Variants in CTNNA2 observed in about 807,000 individuals in gnomAD.
CTNNA2 encodes catenin alpha-2.
A neutral mutation model predicts 101.0 loss-of-function variants in CTNNA2; 42 were observed. That is an observed-to-expected ratio of 0.42 (90% CI 0.32 to 0.54). CTNNA2 has a LOEUF of 0.54. Ranked by LOEUF, CTNNA2 falls within the 20% of genes least tolerant of loss-of-function variation. CTNNA2 has a pLI of 0.14. For missense variants in CTNNA2, 871 were observed against 1,223.1 expected (o/e 0.71, Z 4.29); for synonymous variants, 450 against 456.4 (o/e 0.99, Z 0.18).
At chr2:80,382,012 A>C (rs755847924) in intron 7 of CTNNA2, among the ~76,000 whole-genome samples, 1 of 152,122 alleles carries the variant, frequency 6.6e-6, no homozygotes, top group Admixed American at 6.5e-5. Flanking sequence ...TTTTTCCCGC[A>C]TAGGGGAGGT....
intron 3 of CTNNA2, among the ~76,000 whole-genome samples, chr2:79,759,922 T>G (rs2105078285): frequency 6.6e-6 from 1 of 152,334 alleles, no homozygotes; most frequent in South Asian, 2.1e-4. Context: ...CTTTATTCTT[T>G]TTTGCCCCCT....
chr2:80,184,255 T>G (rs4852560), intron 7 of CTNNA2, among the ~76,000 whole-genome samples: 60,070 of 152,014 alleles, frequency 0.4, 13,629 homozygotes, highest in Non-Finnish European at 0.52. Context: ...GAAATCAATC[T>G]TATTAATTTT....
chr2:79,531,118 G>A (rs2103932215), intron 1 of CTNNA2, among the ~76,000 whole-genome samples: 1 of 149,188 alleles, frequency 6.7e-6, no homozygotes, highest in East Asian at 2.0e-4. Context: ...AACCACTAGG[G>A]AAGTTATGAT....
intron 1 of CTNNA2, among the ~76,000 whole-genome samples, chr2:79,524,017 TA>T (rs1198724843): frequency 6.6e-6 from 1 of 152,148 alleles, no homozygotes; most frequent in Non-Finnish European, 1.5e-5. Context: ...CTATTAAAAC[TA>T]CTATTATGAT....
intron 18 of CTNNA2, among the ~76,000 whole-genome samples, chr2:80,629,784 AGTG>A (rs945050500): frequency 1.3e-5 from 2 of 152,176 alleles, no homozygotes; most frequent in African/African-American, 4.8e-5. Flanking sequence ...CTTCTCCAGT[AGTG>A]ATAATCACAA....
intron 4 of CTNNA2, among the ~76,000 whole-genome samples, chr2:79,465,576 A>T (rs1389890716): frequency 6.6e-6 from 1 of 152,166 alleles, no homozygotes; most frequent in Non-Finnish European, 1.5e-5. Flanking sequence ...CTTGGGCAGT[A>T]TGGCCATTTT....
intron 7 of CTNNA2, among the ~76,000 whole-genome samples, chr2:80,063,028 C>T (rs1697717950): frequency 6.6e-6 from 1 of 152,182 alleles, no homozygotes; most frequent in South Asian, 2.1e-4. Flanking sequence ...CCGGCCAAAG[C>T]ACTGTGATCT....
chr2:80,248,647 G>T (rs771583492), intron 7 of CTNNA2, among the ~76,000 whole-genome samples: 2 of 152,148 alleles, frequency 1.3e-5, no homozygotes, highest in African/African-American at 2.4e-5. Context: ...AGCAGCTGCT[G>T]GTTGGATCAT....
intron 9 of CTNNA2, among the ~76,000 whole-genome samples, chr2:80,518,109 T>C (rs1243091998): frequency 6.6e-6 from 1 of 152,216 alleles, no homozygotes; most frequent in African/African-American, 2.4e-5. Context: ...TATTAAAAGC[T>C]TTGAATTTGA....
At position 80,109,754 on chromosome 2, in the gene CTNNA2, C is replaced by T. The variant is rs34730533; in HGVS notation, c.1056+199957C>T. ...AATATGGGACTATTCATGGGGAGCT[C>T]TTCTGAGAACTGAGTTGGAACTCAG... On this transcript the variant is annotated intron_variant, in intron 7 of 18. Coordinates refer to ENST00000402739, the MANE Select transcript of CTNNA2 (RefSeq NM_001282597.3). Among the ~76,000 whole-genome samples, 521 of 152,210 alleles carry T rather than the reference C, an allele frequency of 3.4e-3. 4 individuals are homozygous for T. Among genetic ancestry groups the T allele is most frequent in the Middle Eastern group, 0.01 (3 of 292 alleles).
intron 7 of CTNNA2, among the ~76,000 whole-genome samples, chr2:79,943,204 C>T (rs973968081): frequency 7.2e-5 from 11 of 151,882 alleles, no homozygotes; most frequent in South Asian, 4.2e-4. Flanking sequence ...GCAACAAAAG[C>T]GAGCGGGGGT....
At chr2:80,280,430 C>T (rs1674285922) in intron 7 of CTNNA2, among the ~76,000 whole-genome samples, 1 of 151,596 alleles carries the variant, frequency 6.6e-6, no homozygotes, top group Non-Finnish European at 1.5e-5. Context: ...TAGGCACCTA[C>T]CCTTGATTTG....
At chr2:79,577,597 A>AT (rs963451787) in intron 1 of CTNNA2, among the ~76,000 whole-genome samples, 6 of 151,528 alleles carry the variant, frequency 4.0e-5, no homozygotes, top group East Asian at 1.9e-4. Flanking sequence ...TCCATTCTAA[A>AT]TTTTTTTTTG....
chr2:79,947,385 G>A (rs534478174), intron 7 of CTNNA2, among the ~76,000 whole-genome samples: 8 of 152,168 alleles, frequency 5.3e-5, no homozygotes, highest in African/African-American at 1.9e-4. Flanking sequence ...TCTTGAAATT[G>A]AGGGTTGGAA....
intron 9 of CTNNA2, among the ~76,000 whole-genome samples, chr2:80,425,258 G>A (rs913208529): frequency 2.0e-5 from 3 of 152,120 alleles, no homozygotes; most frequent in East Asian, 3.9e-4. Context: ...AGGCTACTCC[G>A]TCATGTCAAG....
chr2:79,315,304 C>T (rs1041132408), intron 3 of CTNNA2, among the ~76,000 whole-genome samples: 4 of 152,230 alleles, frequency 2.6e-5, no homozygotes, highest in African/African-American at 9.6e-5. Flanking sequence ...TCAATAGTTT[C>T]CATATAGTTA....
intron 2 of CTNNA2, among the ~76,000 whole-genome samples, chr2:79,680,348 A>G (rs985916117): frequency 6.6e-6 from 1 of 151,988 alleles, no homozygotes; most frequent in African/African-American, 2.4e-5. Flanking sequence ...GACATTTTCT[A>G]CTGTAGATGC....
chr2:79,907,051 T>C (rs1161458798), intron 6 of CTNNA2, among the ~76,000 whole-genome samples: 1 of 152,184 alleles, frequency 6.6e-6, no homozygotes, highest in South Asian at 2.1e-4. Context: ...AGTTCAAATT[T>C]ACCTCCCCAT....
chr2:80,200,224 A>T (rs943466957), intron 7 of CTNNA2, among the ~76,000 whole-genome samples: 1 of 152,210 alleles, frequency 6.6e-6, no homozygotes, highest in African/African-American at 2.4e-5. Flanking sequence ...CATATGTTTT[A>T]TATATAATAT....
Sources: allele counts gnomAD v4.1 joint callset (sites outside exome capture counted in the v4.1 genomes callset), GRCh38; gene constraint gnomAD v4.1.1; transcripts MANE v1.5; gene names NCBI Gene and HGNC (gene_info 2026-07-23, HGNC 2026-07-21).